Variants in ZMYND8 observed in about 807,000 individuals in gnomAD.
ZMYND8 encodes the protein MYND-type zinc finger-containing chromatin reader ZMYND8.
In ZMYND8, 37 loss-of-function variants were observed where a neutral mutation model predicts 140.8. The ratio of observed to expected loss-of-function variants is 0.26; its 90% CI spans 0.20 to 0.35. The LOEUF (loss-of-function observed/expected upper bound fraction) is 0.35. Among genes scored for constraint, ZMYND8 ranks in the 10% least tolerant of loss-of-function variants. The pLI, the probability that ZMYND8 is intolerant of heterozygous loss-of-function variation, is 1.00. For synonymous variants in ZMYND8, 592 were observed against 597.1 expected, an observed-to-expected ratio of 0.99 and a Z score of 0.12; for missense variants, 1,068 against 1,570.0, an observed-to-expected ratio of 0.68 and a Z score of 5.40.
chr20:47,321,416 G>A (rs886794338), intron 2 of ZMYND8, among the ~76,000 whole-genome samples: 2 of 152,226 alleles, frequency 1.3e-5, no homozygotes, highest in African/African-American at 2.4e-5. Flanking sequence ...CTGGGTAGAG[G>A]TGAGGGATGT....
chr20:47,310,132 G>A lies in ZMYND8; in HGVS notation c.158C>T (p.Ser53Leu), dbSNP rs1425548865. The change falls in exon 3 of 23, where the codon TCG becomes TTG. Residue 53 changes from serine to leucine, a missense_variant. Coordinates refer to ENST00000471951, the MANE Select transcript of ZMYND8 (RefSeq NM_001281775.3). ...GGGGCTTGTTGATGTGTCCTGCGGC[G>A]AGTGGCCATTGGAAGAATGTGGAGG... ...PSPPHSSNGHSPQDTSTSPIK... is the reference protein window; with the variant it reads ...PSPPHSSNGHLPQDTSTSPIK... 9.9e-6 allele frequency: 16 copies of A among 1,613,668 alleles called. No homozygotes were observed. Among genetic ancestry groups the A allele is most frequent in the African/African-American group, 2.7e-5 (2 of 74,834 alleles).
chr20:47,317,954 C>T (rs951309324), intron 2 of ZMYND8, among the ~76,000 whole-genome samples: 6 of 152,130 alleles, frequency 3.9e-5, no homozygotes, highest in African/African-American at 1.4e-4. Flanking sequence ...AGTATAATAC[C>T]TGGCAAATAG....
At chr20:47,345,432 G>A (rs1039938135) in intron 2 of ZMYND8, among the ~76,000 whole-genome samples, 1 of 151,910 alleles carries the variant, frequency 6.6e-6, no homozygotes, top group African/African-American at 2.4e-5. Context: ...AGGTCACGGT[G>A]ACTTCAGACC....
intron 18 of ZMYND8, among the ~76,000 whole-genome samples, chr20:47,225,313 C>A (rs1391138789): frequency 1.3e-5 from 2 of 151,970 alleles, no homozygotes; most frequent in African/African-American, 4.8e-5. Context: ...GTAATCCCAG[C>A]ACTTTGGGAG....
At chr20:47,312,656 A>G (rs2079024913) in intron 2 of ZMYND8, among the ~76,000 whole-genome samples, 2 of 152,028 alleles carry the variant, frequency 1.3e-5, no homozygotes, top group Non-Finnish European at 2.9e-5. Flanking sequence ...TAGGCATGGT[A>G]GCGCACACCC....
intron 3 of ZMYND8, among the ~76,000 whole-genome samples, chr20:47,306,955 C>A (rs1329948159): frequency 6.6e-6 from 1 of 152,090 alleles, no homozygotes; most frequent in Non-Finnish European, 1.5e-5. Flanking sequence ...AAGCACAGGC[C>A]TGTGTCTAAA....
intron 2 of ZMYND8, among the ~76,000 whole-genome samples, chr20:47,321,747 T>C (rs2079968671): frequency 6.6e-6 from 1 of 152,028 alleles, no homozygotes; most frequent in African/African-American, 2.4e-5. Context: ...TCTGCCCTGA[T>C]GGAAGGACAG....
chr20:47,322,076 G>GTC (rs1205191972), intron 2 of ZMYND8, among the ~76,000 whole-genome samples: 2 of 151,884 alleles, frequency 1.3e-5, no homozygotes, highest in Non-Finnish European at 2.9e-5. Context: ...GCCCAGACTG[G>GTC]TCTCAAACTC....
chr20:47,249,333 G>C lies in ZMYND8; in HGVS notation c.1728C>G (p.Phe576Leu). ...CTATGGTCTTGTCAAGATTCAGCTG[G>C]AACCTGCTACGAATCTGGCGCTTGG... The part of the protein sequence containing the change: ...ISPKRQIRSR[F>L]QLNLDKTIES... The change falls in exon 13 of 23, where the codon TTC (phenylalanine) becomes TTG (leucine). Residue 576 changes from phenylalanine (F) to leucine (L), a missense_variant. Phe to Leu is a conservative substitution (Grantham distance 22). Around this residue, in one of 10 missense-constraint regions of ZMYND8, gnomAD observed 173 missense variants for 223.3 expected, o/e 0.77. Transcript: ENST00000471951. The C allele has an allele frequency of 6.2e-7, 1 of 1,614,130 alleles. No individual in the cohort carries two copies. The highest frequency in any genetic ancestry group is 1.1e-5 in the South Asian group (1 of 91,084).
At chr20:47,248,502 A>G (rs549127968) in intron 13 of ZMYND8, among the ~76,000 whole-genome samples, 1 of 152,364 alleles carries the variant, frequency 6.6e-6, no homozygotes, top group South Asian at 2.1e-4. Context: ...CTTGCTCTCC[A>G]GAGGCCCAGC....
intron 1 of ZMYND8, chr20:47,352,433 G>C: frequency 7.1e-6 from 7 of 982,928 alleles, no homozygotes; most frequent in Non-Finnish European, 8.5e-6. Flanking sequence ...AGTCTGCAGA[G>C]GAGAAACACA....
chr20:47,352,390 C>G, intron 1 of ZMYND8: 1 of 942,126 alleles, frequency 1.1e-6, no homozygotes. Context: ...GCAGCCAGTC[C>G]TAAGACAGTT....
rs57968979 is a variant in ZMYND8, at chr20:47,333,724, CAAAAAAAAAAAAA to C, written c.85+14119_85+14131del. Among the ~76,000 whole-genome samples, 205 of 29,736 alleles carry C rather than the reference CAAAAAAAAAAAAA, an allele frequency of 6.9e-3. 2 individuals are homozygous for C. Among genetic ancestry groups the C allele is most frequent in the African/African-American group, 0.021 (189 of 9,068 alleles). 19.5% of individuals were successfully genotyped at this position (29,736 alleles called of 152,430 possible). Reference sequence around the variant, plus strand: ...CTGGTGACAGAGCGAGACTCCGTCTCAAAAAAAAAAAAAAAAAAAAAAAAAAAAAAAACATTAG... The same window carrying C: ...CTGGTGACAGAGCGAGACTCCGTCTCAAAAAAAAAAAAAAAAAAACATTAG... On this transcript the variant is annotated intron_variant, in intron 2 of 22. Coordinates refer to ENST00000471951, the MANE Select transcript of ZMYND8 (RefSeq NM_001281775.3).
chr20:47,342,552 A>C (rs1002779238), intron 2 of ZMYND8, among the ~76,000 whole-genome samples: 2 of 132,492 alleles, frequency 1.5e-5, no homozygotes, highest in Non-Finnish European at 3.3e-5. Flanking sequence ...TGTCTCAAAG[A>C]AAAAAAAAAA....
chr20:47,348,674 C>G (rs532307779), intron 1 of ZMYND8: 1 of 152,232 alleles, frequency 6.6e-6, no homozygotes, highest in Non-Finnish European at 1.5e-5. Flanking sequence ...GGGAGAGAAG[C>G]AAATAAAGCA....
chr20:47,294,849 A>AT (rs1468239892), intron 4 of ZMYND8, 70 bp from the exon 5 acceptor site: 1 of 1,415,520 alleles, frequency 7.1e-7, no homozygotes, highest in East Asian at 2.3e-5. Context: ...ACTGATTTCT[A>AT]TTTTTTCAGT....
rs751968876 is a variant in ZMYND8, at chr20:47,249,345, A to C, written c.1716T>G (p.Ile572Met). The C allele has an allele frequency of 6.2e-7, 1 of 1,614,138 alleles. No homozygotes were observed. Among genetic ancestry groups the C allele is most frequent in the South Asian group, 1.1e-5 (1 of 91,080 alleles). Residue 572 changes from isoleucine (I) to methionine (M), a missense_variant, in exon 13 of 23, where the codon ATT becomes ATG. Ile to Met is a conservative substitution (Grantham distance 10). Transcript: ENST00000471951. ...CAAGATTCAGCTGGAACCTGCTACG[A>C]ATCTGGCGCTTGGGAGAGATGAGAG... ...PVPLISPKRQ[I>M]RSRFQLNLDK...
At chr20:47,266,705 A>G (rs529410585) in intron 11 of ZMYND8, among the ~76,000 whole-genome samples, 41 of 152,002 alleles carry the variant, frequency 2.7e-4, no homozygotes, top group African/African-American at 8.7e-4. Context: ...CCCTACTATC[A>G]CCCTAGTCCA....
chr20:47,237,315 CTTT>C (rs771666870), intron 15 of ZMYND8: 3 of 138,124 alleles, frequency 2.2e-5, no homozygotes, highest in Non-Finnish European at 1.6e-5. Flanking sequence ...TAGTTTTTTG[CTTT>C]TTTTTTTTTT....
Sources: gnomAD v4.1 joint callset for allele counts (sites outside exome capture counted in the v4.1 genomes callset) on GRCh38, gnomAD v4.1.1 for gene constraint, gnomAD v4.1.1 regional missense constraint, MANE v1.5 for transcripts, NCBI Gene and HGNC (gene_info 2026-07-23, HGNC 2026-07-21) for gene names.